The following RHOU variants were observed in gnomAD, a reference collection of about 807,000 sequenced individuals.
RHOU encodes the protein rho-related GTP-binding protein RhoU.
A neutral mutation model predicts 12.6 loss-of-function variants in RHOU; 8 were observed. The ratio of observed to expected loss-of-function variants is 0.64; its 90% CI spans 0.37 to 1.15. RHOU has a LOEUF of 1.15. Ranked by LOEUF, RHOU falls within the 50% of genes most tolerant of loss-of-function variation. RHOU has a pLI of 0.01. For missense variants in RHOU, 258 were observed against 347.0 expected, an observed-to-expected ratio of 0.74 and a Z score of 2.04; for synonymous variants, 161 against 147.4, an observed-to-expected ratio of 1.09 and a Z score of -0.67.
At chr1:228,730,379 G>T in the RHOU span, among the ~76,000 whole-genome samples, 1 of 152,186 alleles carries the variant, frequency 6.6e-6, no homozygotes. Flanking sequence ...CCAGGGGCTG[G>T]GTGAGGGCTG....
At chr1:228,707,247 ATATATATAGTGT>A in the RHOU span, among the ~76,000 whole-genome samples, 1 of 93,826 alleles carries the variant, frequency 1.1e-5, no homozygotes, top group South Asian at 2.9e-4. Context: ...ATATATATAT[ATATATATAGTGT>A]GTGTGTGTGT....
At chr1:228,715,685 T>G in the RHOU span, among the ~76,000 whole-genome samples, 1 of 152,170 alleles carries the variant, frequency 6.6e-6, no homozygotes, top group African/African-American at 2.4e-5. Flanking sequence ...TGTTTAGTTC[T>G]TCTATATCTT....
chr1:228,706,372 T>A, the RHOU span, among the ~76,000 whole-genome samples: 44 of 152,380 alleles, frequency 2.9e-4, no homozygotes, highest in African/African-American at 1.0e-3. Flanking sequence ...ACTCTGGCAC[T>A]ACTTTGTGGT....
the RHOU span, chr1:228,687,272 C>T: frequency 1.6e-6 from 1 of 627,210 alleles, no homozygotes; most frequent in Non-Finnish European, 2.8e-6. Context: ...TCTCTCTATT[C>T]CCCAGTTCCC....
At chr1:228,739,250 G>C (rs1662673487) in intron 2 of RHOU, among the ~76,000 whole-genome samples, 2 of 152,196 alleles carry the variant, frequency 1.3e-5, no homozygotes, top group Admixed American at 1.3e-4. Context: ...TTGTCTACCA[G>C]GGGGTCAGGT....
Position 228,735,741 on chromosome 1 carries a change from C to G in RHOU, c.-2C>G. The G allele has an allele frequency of 8.3e-7, 1 of 1,204,978 alleles. No individual in the cohort carries two copies. The highest frequency in any genetic ancestry group is 1.0e-6 in the Non-Finnish European group (1 of 971,084). 74.6% of individuals were successfully genotyped at this position (1,204,978 alleles called of 1,614,324 possible). ...CGACCGCAAGCCCGCGCTCGCGGAT[C>G]GATGCCCCCGCAGCAGGGGGACCCC... On this transcript the variant is annotated 5_prime_UTR_variant, in exon 1 of 3. In the 5' UTR this introduces an upstream ATG that the reference lacks. Coordinates refer to ENST00000366691, the MANE Select transcript of RHOU (RefSeq NM_021205.6). This position sits in a 1 kb window ranked among gnomAD's most constrained non-coding sequence, Gnocchi z 8.1.
At chr1:228,709,757 AG>A in the RHOU span, among the ~76,000 whole-genome samples, 3 of 151,894 alleles carry the variant, frequency 2.0e-5, no homozygotes, top group African/African-American at 2.4e-5. Context: ...GAACTAGAAA[AG>A]CAAGAGCAAA....
chr1:228,655,653 G>A, the RHOU span, among the ~76,000 whole-genome samples: 1 of 152,126 alleles, frequency 6.6e-6, no homozygotes, highest in Non-Finnish European at 1.5e-5. Context: ...CATTTCCCTT[G>A]AACACAGGGC....
At chr1:228,715,657 G>A in the RHOU span, among the ~76,000 whole-genome samples, 1 of 152,018 alleles carries the variant, frequency 6.6e-6, no homozygotes, top group Admixed American at 6.5e-5. Context: ...TTCTTAAGAT[G>A]TACCGTATTG....
chr1:228,742,775 T>C (rs4531263), intron 2 of RHOU, among the ~76,000 whole-genome samples: 75,177 of 151,988 alleles, frequency 0.49, 20,375 homozygotes, highest in African/African-American at 0.74. Flanking sequence ...GGGATGAAAT[T>C]GGCATCACTC....
chr1:228,735,653 C>A lies in RHOU; in HGVS notation c.-90C>A. The A allele has an allele frequency of 9.6e-7, 1 of 1,043,124 alleles. No individual in the cohort carries two copies. The highest frequency in any genetic ancestry group is 1.2e-6 in the Non-Finnish European group (1 of 838,040). The allele number at this position is 1,043,124 out of a possible 1,614,324, so 64.6% of individuals were successfully genotyped here. ...GGGACGCGCCCGCAGCTGTCGGTGACAGCTCCTCCCTACCGCAACCCTCCG... is the reference window on the plus strand; with the variant it reads ...GGGACGCGCCCGCAGCTGTCGGTGAAAGCTCCTCCCTACCGCAACCCTCCG... On this transcript the variant is annotated 5_prime_UTR_variant, in exon 1 of 3. Coordinates refer to ENST00000366691, the MANE Select transcript of RHOU (RefSeq NM_021205.6). This position sits in a 1 kb window ranked among gnomAD's most constrained non-coding sequence, Gnocchi z 8.1.
the RHOU span, among the ~76,000 whole-genome samples, chr1:228,646,711 C>G: frequency 7.9e-5 from 12 of 151,302 alleles, no homozygotes; most frequent in South Asian, 2.1e-4. Context: ...CACACCCCAC[C>G]GCCACCAGGA....
chr1:228,659,861 G>A, the RHOU span, among the ~76,000 whole-genome samples: 32 of 149,162 alleles, frequency 2.1e-4, no homozygotes, highest in South Asian at 8.5e-4. Context: ...GCAGGCGCCT[G>A]TAATCCCAGC....
the RHOU span, among the ~76,000 whole-genome samples, chr1:228,705,765 C>T: frequency 1.1e-4 from 17 of 152,296 alleles, no homozygotes; most frequent in East Asian, 3.9e-4. Flanking sequence ...GCTCAAAGGC[C>T]GGGCGCGGTG....
intron 2 of RHOU, among the ~76,000 whole-genome samples, chr1:228,741,569 A>T (rs1245036181): frequency 1.3e-5 from 2 of 152,166 alleles, no homozygotes; most frequent in South Asian, 2.1e-4. Flanking sequence ...GGAGCATTCC[A>T]TTAAAAGATC....
chr1:228,665,466 A>T, the RHOU span, among the ~76,000 whole-genome samples: 2 of 152,128 alleles, frequency 1.3e-5, no homozygotes, highest in Admixed American at 6.5e-5. Context: ...CATGTCGGGG[A>T]TGGGTTGCCA....
At chr1:228,733,957 A>T (rs1662544496), upstream of RHOU, among the ~76,000 whole-genome samples, 1 of 152,090 alleles carries the variant, frequency 6.6e-6, no homozygotes, top group Non-Finnish European at 1.5e-5. Context: ...TTGTTTTTTG[A>T]TATTGCCTCT....
Position 228,737,713 on chromosome 1 carries a change from C to T in RHOU, c.303C>T (p.Leu101=). Residue 101 remains leucine, a synonymous_variant, in exon 2 of 3, where the codon CTC becomes CTT. Transcript: ENST00000366691. This position sits in a 1 kb window ranked among gnomAD's most constrained non-coding sequence, Gnocchi z 4.1. ...ATGGGCGGCCCGTGAGACTCCAACT[C>T]TGTGACACTGCCGGACAGGTCAGTA... is the stretch of plus-strand genomic sequence containing the variant. ...SVDGRPVRLQ[L]CDTAGQDEFD... 6.2e-7 allele frequency: 1 copy of T among 1,614,220 alleles called. No homozygotes were observed. Among genetic ancestry groups the T allele is most frequent in the South Asian group, 1.1e-5 (1 of 91,082 alleles).
At chr1:228,725,322 C>T in the RHOU span, among the ~76,000 whole-genome samples, 1 of 152,150 alleles carries the variant, frequency 6.6e-6, no homozygotes, top group East Asian at 1.9e-4. Context: ...CTCAGTGGTT[C>T]CCAAAGCTCA....
Sources: gnomAD v4.1 joint callset for allele counts (sites outside exome capture counted in the v4.1 genomes callset) on GRCh38, gnomAD v4.1.1 for gene constraint, Gnocchi (gnomAD v3.1) non-coding constraint, MANE v1.5 for transcripts, NCBI Gene and HGNC (gene_info 2026-07-23, HGNC 2026-07-21) for gene names.